The following PCDHGA3 variants were observed in gnomAD, a reference collection of about 807,000 sequenced individuals.
The protein encoded by PCDHGA3 is protocadherin gamma subfamily A, 3.
A neutral mutation model predicts 58.5 loss-of-function variants in PCDHGA3; 40 were observed. The observed-to-expected ratio is 0.68, with a 90% CI of 0.53 to 0.89. PCDHGA3 has a LOEUF of 0.89. PCDHGA3 is among the 40% of genes least tolerant of loss of function. PCDHGA3 has a pLI of 0.00. For missense variants in PCDHGA3, 1,223 were observed against 1,195.9 expected, an observed-to-expected ratio of 1.02 and a Z score of -0.33; for synonymous variants, 530 against 525.7, an observed-to-expected ratio of 1.01 and a Z score of -0.11.
intron 1 of PCDHGA3, chr5:141,404,273 C>G (rs751189949): frequency 6.2e-7 from 1 of 1,613,870 alleles, no homozygotes; most frequent in African/African-American, 1.3e-5. Flanking sequence ...CATCACCCTG[C>G]AAGTGACTGA....
intron 1 of PCDHGA3, chr5:141,417,592 TG>T: frequency 2.1e-6 from 1 of 485,078 alleles, no homozygotes; most frequent in Non-Finnish European, 3.5e-6. Context: ...ACAGAGCCTC[TG>T]GGCGCCGCCG....
intron 1 of PCDHGA3, chr5:141,357,097 C>T (rs766673132): frequency 6.2e-7 from 1 of 1,613,858 alleles, no homozygotes; most frequent in Admixed American, 1.7e-5. Context: ...ACGGGCCCTG[C>T]TGGACAGAGA....
intron 1 of PCDHGA3, among the ~76,000 whole-genome samples, chr5:141,451,727 C>A (rs2098722766): frequency 6.6e-6 from 1 of 152,014 alleles, no homozygotes; most frequent in Admixed American, 6.6e-5. Flanking sequence ...ACTAAAAATA[C>A]AAAAATTAGC....
chr5:141,445,576 G>A (rs1459010134), intron 1 of PCDHGA3, among the ~76,000 whole-genome samples: 1 of 152,158 alleles, frequency 6.6e-6, no homozygotes, highest in Non-Finnish European at 1.5e-5. Flanking sequence ...TTATAGTAGG[G>A]AAGCTTCGCC....
At chr5:141,460,453 A>T (rs1487816393) in intron 1 of PCDHGA3, among the ~76,000 whole-genome samples, 3 of 152,152 alleles carry the variant, frequency 2.0e-5, no homozygotes, top group Non-Finnish European at 4.4e-5. Flanking sequence ...ATGAAGATTC[A>T]TATTTTTTTC....
Position 141,343,989 on chromosome 5 carries a change from G to A in PCDHGA3, c.-45G>A. On this transcript the variant is annotated 5_prime_UTR_variant, in exon 1 of 4. Coordinates refer to ENST00000253812, the MANE Select transcript of PCDHGA3 (RefSeq NM_018916.4). ...GAAAATAAGATTGGAGTCCGTCGTA[G>A]GAAACTGGAACCGAATTCAGAGAAA... The A allele has an allele frequency of 6.8e-7, 1 of 1,471,062 alleles. No individual in the cohort carries two copies. The highest frequency in any genetic ancestry group is 1.4e-5 in the South Asian group (1 of 68,972). The allele number at this position is 1,471,062 out of a possible 1,614,324, so 91.1% of individuals were successfully genotyped here.
At chr5:141,422,936 C>A (rs1428873210) in intron 1 of PCDHGA3, 2 of 1,614,260 alleles carry the variant, frequency 1.2e-6, no homozygotes, top group East Asian at 4.5e-5. Flanking sequence ...GCCCTCCCCA[C>A]AGACGGCTCC....
chr5:141,414,710 A>C (rs1253697066), intron 1 of PCDHGA3: 4 of 1,613,836 alleles, frequency 2.5e-6, no homozygotes, highest in African/African-American at 1.3e-5. Flanking sequence ...ATATCCATCA[A>C]CTCAGACACT....
intron 1 of PCDHGA3, chr5:141,414,391 T>TG (rs1367379916): frequency 6.2e-7 from 1 of 1,613,862 alleles, no homozygotes; most frequent in South Asian, 1.1e-5. Flanking sequence ...TGACAGTTAT[T>TG]ACAGATTGGT....
intron 1 of PCDHGA3, among the ~76,000 whole-genome samples, chr5:141,435,604 A>T (rs1361568996): frequency 6.6e-6 from 1 of 152,180 alleles, no homozygotes. Flanking sequence ...CCTGCTTTTT[A>T]CATTAAATTC....
chr5:141,435,792 A>G (rs2097780110), intron 1 of PCDHGA3, among the ~76,000 whole-genome samples: 1 of 152,074 alleles, frequency 6.6e-6, no homozygotes, highest in South Asian at 2.1e-4. Context: ...AGGGAAACAT[A>G]ACGTCCCAAT....
At chr5:141,452,193 G>A (rs764434048) in intron 1 of PCDHGA3, among the ~76,000 whole-genome samples, 3 of 151,990 alleles carry the variant, frequency 2.0e-5, no homozygotes, top group Admixed American at 6.6e-5. Context: ...ACCTCAAATT[G>A]TTTTAGATGT....
intron 1 of PCDHGA3, among the ~76,000 whole-genome samples, chr5:141,357,952 G>C (rs1760771820): frequency 6.6e-6 from 1 of 152,188 alleles, no homozygotes; most frequent in Non-Finnish European, 1.5e-5. Flanking sequence ...CACTTTGGGA[G>C]TGTGAGGAGG....
Position 141,510,868 on chromosome 5 carries a change from T to C in PCDHGA3, c.2573-79T>C, listed in dbSNP as rs2099883142. 40 of 1,608,466 alleles carry C rather than the reference T, an allele frequency of 2.5e-5. No homozygotes were observed. The Middle Eastern group carries it at 4.9e-4, about 20-fold the overall frequency. On this transcript the variant is annotated intron_variant, in intron 3 of 3. Transcript: ENST00000253812. The stretch of plus-strand genomic sequence containing the variant: ...GCCCAGGGTGCTGTATAGGCATTCA[T>C]TAACTGCTGGGGATATAAGACAGTG...
Position 141,417,818 on chromosome 5 carries a change from C to T in PCDHGA3, c.2424+71361C>T, listed in dbSNP as rs59981184. 5.7e-4 allele frequency: 859 copies of T among 1,512,530 alleles called. 1 individual carries two copies. The African/African-American group carries it at 0.011, about 19-fold the overall frequency. 93.7% of individuals were successfully genotyped at this position (1,512,530 alleles called of 1,614,324 possible). On this transcript the variant is annotated intron_variant, in intron 1 of 3. Coordinates refer to ENST00000253812, the MANE Select transcript of PCDHGA3 (RefSeq NM_018916.4). ...TTTAGCGCGGTAGAGTGCACTTTCTCCAACTGGAAAAGCGGGGACCCAGCG... is the reference window on the plus strand; with the variant it reads ...TTTAGCGCGGTAGAGTGCACTTTCTTCAACTGGAAAAGCGGGGACCCAGCG...
Position 141,399,568 on chromosome 5 carries a change from G to A in PCDHGA3, c.2424+53111G>A, listed in dbSNP as rs776963716. ...CTCGGACCTGGACTTGGGGTTGAAC[G>A]GCCAAGTCTCCTACTCTATCATGGC... is the stretch of plus-strand genomic sequence containing the variant. On this transcript the variant is annotated intron_variant, in intron 1 of 3. Transcript: ENST00000253812. The A allele has an allele frequency of 3.1e-6, 5 of 1,613,926 alleles. No individual in the cohort carries two copies. The East Asian group carries it at 8.9e-5, about 29-fold the overall frequency.
chr5:141,345,625 T>C lies in PCDHGA3; in HGVS notation c.1592T>C (p.Leu531Pro). The C allele has an allele frequency of 1.2e-6, 2 of 1,614,184 alleles. No individual in the cohort carries two copies. Among genetic ancestry groups the C allele is most frequent in the South Asian group, 1.1e-5 (1 of 91,078 alleles). ...GAGCAATTTAGAGACTTAAAGCTAC[T>C]GGTGACAGCCAGCGACAGCGGGAAC... ...DYEQFRDLKL[L>P]VTASDSGNPP... The change falls in exon 1 of 4, where the codon CTG (leucine) becomes CCG (proline). Residue 531 changes from leucine to proline, a missense_variant. Leu to Pro is a moderately conservative substitution (Grantham distance 98, BLOSUM62 -3). This residue lies in a region of PCDHGA3 where 791 missense variants were observed against 708.5 expected (regional missense o/e 1.12). Coordinates refer to ENST00000253812, the MANE Select transcript of PCDHGA3 (RefSeq NM_018916.4).
intron 1 of PCDHGA3, among the ~76,000 whole-genome samples, chr5:141,446,948 T>C (rs1166868490): frequency 6.6e-6 from 1 of 152,186 alleles, no homozygotes; most frequent in African/African-American, 2.4e-5. Context: ...GTAAGAAACA[T>C]CCAGCACCCA....
At chr5:141,353,976 C>T (rs942442773) in intron 1 of PCDHGA3, among the ~76,000 whole-genome samples, 6 of 152,192 alleles carry the variant, frequency 3.9e-5, no homozygotes, top group African/African-American at 1.4e-4. Context: ...TGATGTACTG[C>T]TTTATCTCAA....
Sources: gnomAD v4.1 joint callset for allele counts (sites outside exome capture counted in the v4.1 genomes callset) on GRCh38, gnomAD v4.1.1 for gene constraint, gnomAD v4.1.1 regional missense constraint, MANE v1.5 for transcripts, NCBI Gene and HGNC (gene_info 2026-07-23, HGNC 2026-07-21) for gene names.